NELL1: variants seen among roughly 807,000 people sequenced by gnomAD.
The protein encoded by NELL1 is neural EGFL like 1.
Under a neutral mutation model 107.4 loss-of-function variants are expected in NELL1, and 76 were observed. That is an observed-to-expected ratio of 0.71 (90% CI 0.59 to 0.86). The LOEUF is 0.86. Ranked by LOEUF, NELL1 falls within the 40% of genes least tolerant of loss-of-function variation. The pLI, the probability that NELL1 is intolerant of heterozygous loss-of-function variation, is 0.00. For synonymous variants in NELL1, 353 were observed against 341.2 expected, an observed-to-expected ratio of 1.03 and a Z score of -0.38; for missense variants, 1,024 against 1,005.5, an observed-to-expected ratio of 1.02 and a Z score of -0.25.
intron 2 of NELL1, among the ~76,000 whole-genome samples, chr11:20,723,393 G>A (rs1245244774): frequency 6.6e-6 from 1 of 152,178 alleles, no homozygotes; most frequent in African/African-American, 2.4e-5. Context: ...CCAAATGGGA[G>A]ACATTGGCCA....
intron 13 of NELL1, among the ~76,000 whole-genome samples, chr11:21,187,438 G>A (rs901736940): frequency 6.6e-6 from 1 of 151,764 alleles, no homozygotes; most frequent in Non-Finnish European, 1.5e-5. Context: ...AACTCAGGAG[G>A]CATAAAATCA....
At chr11:20,673,738 T>G (rs1028158276) in intron 1 of NELL1, among the ~76,000 whole-genome samples, 11 of 152,230 alleles carry the variant, frequency 7.2e-5, no homozygotes, top group African/African-American at 1.7e-4. Context: ...TAATTCCCAA[T>G]TTTAGCCATT....
At chr11:21,348,840 A>G (rs1850740969) in intron 14 of NELL1, among the ~76,000 whole-genome samples, 1 of 152,200 alleles carries the variant, frequency 6.6e-6, no homozygotes, top group Non-Finnish European at 1.5e-5. Context: ...AACTTTCTGG[A>G]GGAGAATTTT....
At chr11:20,990,324 C>T (rs909284297) in intron 12 of NELL1, among the ~76,000 whole-genome samples, 5 of 152,178 alleles carry the variant, frequency 3.3e-5, no homozygotes, top group African/African-American at 9.7e-5. Flanking sequence ...TCTGTAGCCT[C>T]TTACTGCTGA....
chr11:20,726,739 C>T (rs1855516849), intron 2 of NELL1, among the ~76,000 whole-genome samples: 1 of 151,936 alleles, frequency 6.6e-6, no homozygotes, highest in Admixed American at 6.6e-5. Context: ...AATGCTGTCC[C>T]TCCCCCATCC....
intron 14 of NELL1, among the ~76,000 whole-genome samples, chr11:21,321,131 T>C (rs778441009): frequency 6.6e-6 from 1 of 152,192 alleles, no homozygotes; most frequent in Admixed American, 6.5e-5. Flanking sequence ...TTTCTGCAAC[T>C]CTGAAATTCC....
chr11:20,881,610 T>C (rs968698789), intron 4 of NELL1, among the ~76,000 whole-genome samples: 4 of 152,256 alleles, frequency 2.6e-5, no homozygotes, highest in Non-Finnish European at 5.9e-5. Flanking sequence ...AAGTGCTGGC[T>C]GTTATGTCTG....
At chr11:20,990,229 C>T (rs1021391991) in intron 12 of NELL1, among the ~76,000 whole-genome samples, 2 of 152,180 alleles carry the variant, frequency 1.3e-5, no homozygotes, top group Admixed American at 6.5e-5. Flanking sequence ...TCCCTTTGCA[C>T]GTGTCCCTAA....
chr11:21,412,096 T>A (rs1852393118), intron 15 of NELL1, among the ~76,000 whole-genome samples: 4 of 152,098 alleles, frequency 2.6e-5, no homozygotes, highest in African/African-American at 9.7e-5. Flanking sequence ...AAGTATCAAA[T>A]GTTTAGGCAT....
At chr11:21,011,290 T>G (rs1459267563) in intron 12 of NELL1, among the ~76,000 whole-genome samples, 1 of 152,124 alleles carries the variant, frequency 6.6e-6, no homozygotes, top group Non-Finnish European at 1.5e-5. Flanking sequence ...TTCTTCCTGT[T>G]ACAAGTTGGA....
intron 1 of NELL1, among the ~76,000 whole-genome samples, chr11:20,674,043 T>A (rs1853986425): frequency 6.6e-6 from 1 of 152,204 alleles, no homozygotes; most frequent in Admixed American, 6.5e-5. Flanking sequence ...AGAAGCCTAA[T>A]TGATTTCTCT....
At chr11:20,959,638 A>G (rs1312476446) in intron 11 of NELL1, among the ~76,000 whole-genome samples, 1 of 152,204 alleles carries the variant, frequency 6.6e-6, no homozygotes, top group African/African-American at 2.4e-5. Flanking sequence ...AGGCATAAGA[A>G]TGACATCATA....
At chr11:20,732,376 G>T (rs1041297296) in intron 2 of NELL1, among the ~76,000 whole-genome samples, 7 of 152,248 alleles carry the variant, frequency 4.6e-5, no homozygotes, top group African/African-American at 1.7e-4. Flanking sequence ...TTACTGCATG[G>T]ATTTTTGTCC....
intron 14 of NELL1, among the ~76,000 whole-genome samples, chr11:21,230,109 T>G (rs1348350300): frequency 1.3e-5 from 2 of 152,148 alleles, no homozygotes; most frequent in African/African-American, 2.4e-5. Flanking sequence ...TACTCAAATG[T>G]CTCCTCATCA....
At chr11:20,702,683 C>A (rs1387313500) in intron 2 of NELL1, among the ~76,000 whole-genome samples, 1 of 152,156 alleles carries the variant, frequency 6.6e-6, no homozygotes, top group African/African-American at 2.4e-5. Context: ...AGATACGTCC[C>A]ATCAATACCT....
chr11:20,998,051 A>G (rs1435915455), intron 12 of NELL1, among the ~76,000 whole-genome samples: 1 of 152,220 alleles, frequency 6.6e-6, no homozygotes, highest in Non-Finnish European at 1.5e-5. Context: ...ACAAGCAACA[A>G]GCAAAATGCA....
chr11:21,401,793 C>T (rs2133797572), intron 15 of NELL1, among the ~76,000 whole-genome samples: 1 of 151,854 alleles, frequency 6.6e-6, no homozygotes, highest in South Asian at 2.1e-4. Context: ...GATATGAATC[C>T]TGTCTCTGCC....
At chr11:21,298,851 T>G (rs1441610766) in intron 14 of NELL1, among the ~76,000 whole-genome samples, 1 of 151,974 alleles carries the variant, frequency 6.6e-6, no homozygotes, top group African/African-American at 2.4e-5. Context: ...TACCTGATAC[T>G]TTCCTCATCT....
At chr11:20,940,407 C>T (rs781733277) in intron 10 of NELL1, among the ~76,000 whole-genome samples, 2 of 152,034 alleles carry the variant, frequency 1.3e-5, no homozygotes, top group African/African-American at 4.8e-5. Context: ...TTAAGAGCTG[C>T]GCCACCACAC....
Sources: gnomAD v4.1 joint callset for allele counts (sites outside exome capture counted in the v4.1 genomes callset) on GRCh38, gnomAD v4.1.1 for gene constraint, MANE v1.5 for transcripts, NCBI Gene and HGNC (gene_info 2026-07-23, HGNC 2026-07-21) for gene names.